CNTNAP4: variants seen among roughly 807,000 people sequenced by gnomAD.
The protein encoded by CNTNAP4 is contactin-associated protein-like 4.
In CNTNAP4, 98 loss-of-function variants were observed where a neutral mutation model predicts 148.4. The ratio of observed to expected loss-of-function variants is 0.66; its 90% CI spans 0.56 to 0.78. CNTNAP4 has a LOEUF of 0.78. CNTNAP4 is among the 30% of genes least tolerant of loss of function. The pLI is 0.00. For missense variants in CNTNAP4, 1,935 were observed against 1,565.6 expected (o/e 1.24, Z -3.98); for synonymous variants, 730 against 565.1 (o/e 1.29, Z -4.14).
At chr16:76,551,400 A>AT in intron 21 of CNTNAP4, among the ~76,000 whole-genome samples, 1 of 109,644 alleles carries the variant, frequency 9.1e-6, no homozygotes, top group African/African-American at 3.3e-5. Flanking sequence ...TCTGTTAAAA[A>AT]AAAAATATAT....
chr16:76,279,400 G>A (rs988239507), intron 1 of CNTNAP4, among the ~76,000 whole-genome samples: 1 of 152,206 alleles, frequency 6.6e-6, no homozygotes, highest in Non-Finnish European at 1.5e-5. Flanking sequence ...TCAATAAAAA[G>A]TGTAGGGTGT....
At chr16:76,470,496 T>TATATATATATATATATATAA in intron 10 of CNTNAP4, among the ~76,000 whole-genome samples, 1 of 57,128 alleles carries the variant, frequency 1.8e-5, no homozygotes, top group Non-Finnish European at 5.1e-5. Flanking sequence ...TATATATATA[T>TATATATATATATATATATAA]AAAATTAGTC....
In CNTNAP4 at chr16:76,541,756, C is replaced by T. The variant is rs1190972642; in HGVS notation, c.3442+966C>T. Among the ~76,000 whole-genome samples the T allele has an allele frequency of 2.0e-5, 3 of 152,128 alleles. No homozygotes were observed. The East Asian group carries it at 5.8e-4, about 29-fold the overall frequency. On this transcript the variant is annotated intron_variant, in intron 21 of 23. Coordinates refer to ENST00000611870, the MANE Select transcript of CNTNAP4 (RefSeq NM_033401.5). ...AGTTCAGCAAATAAATATTTACAGGCTTTCAAGTGCTATGATGAGCACCAA... is the reference window on the plus strand; with the variant it reads ...AGTTCAGCAAATAAATATTTACAGGTTTTCAAGTGCTATGATGAGCACCAA...
At position 76,448,810 on chromosome 16, in the gene CNTNAP4, C is replaced by T. The variant is rs533014561; in HGVS notation, c.786C>T (p.Thr262=). Residue 262 remains threonine (T), a synonymous_variant, in exon 6 of 24, where the codon ACC becomes ACT. Transcript: ENST00000611870. ...CCACTTCCACCCTGGTCAATCTCAC[C>T]CTGGGCAGCCTGCTAGATGATCAGC... ...LPSTSTLVNL[T]LGSLLDDQHW... is the part of the protein sequence containing the mutation. The T allele has an allele frequency of 3.7e-6, 6 of 1,611,516 alleles. No individual in the cohort carries two copies. The highest frequency in any genetic ancestry group is 5.1e-6 in the Non-Finnish European group (6 of 1,178,996).
At chr16:76,284,039 T>C (rs1212121039) in intron 1 of CNTNAP4, among the ~76,000 whole-genome samples, 1 of 152,082 alleles carries the variant, frequency 6.6e-6, no homozygotes, top group Non-Finnish European at 1.5e-5. Flanking sequence ...CATGCTCTAG[T>C]GTTTCAATTA....
At chr16:76,288,873 C>T (rs571891794) in intron 1 of CNTNAP4, among the ~76,000 whole-genome samples, 3 of 151,966 alleles carry the variant, frequency 2.0e-5, no homozygotes, top group Non-Finnish European at 2.9e-5. Flanking sequence ...GTGATTTAAA[C>T]GTCCTTTTTA....
Position 76,381,876 on chromosome 16 carries a change from C to T in CNTNAP4, c.390+26365C>T, listed in dbSNP as rs563310944. 8.3e-4 allele frequency among the ~76,000 whole-genome samples: 126 copies of T among 151,884 alleles called. No homozygotes were observed. The South Asian group carries it at 0.017, about 21-fold the overall frequency. ...GAGATCGAGACCATCCTGGCTAACA[C>T]GGTGAAACCCTGTCTCTACTAAAAA... On this transcript the variant is annotated intron_variant, in intron 3 of 23. Transcript: ENST00000611870.
chr16:76,438,777 T>C (rs887977010), intron 4 of CNTNAP4, among the ~76,000 whole-genome samples: 2 of 152,088 alleles, frequency 1.3e-5, no homozygotes, highest in African/African-American at 2.4e-5. Flanking sequence ...TGCTGACACA[T>C]AGGGTTACCT....
intron 15 of CNTNAP4, among the ~76,000 whole-genome samples, chr16:76,502,113 C>A (rs2082674091): frequency 6.6e-6 from 1 of 151,952 alleles, no homozygotes; most frequent in African/African-American, 2.4e-5. Context: ...TATTTAGAGA[C>A]CCACTAATTA....
At chr16:76,390,813 C>G (rs1292439441) in intron 3 of CNTNAP4, among the ~76,000 whole-genome samples, 3 of 151,866 alleles carry the variant, frequency 2.0e-5, no homozygotes, top group Non-Finnish European at 4.4e-5. Context: ...AGGACTTTAC[C>G]CTCCTCAAGT....
At chr16:76,360,764 C>G (rs576154869) in intron 3 of CNTNAP4, among the ~76,000 whole-genome samples, 48 of 151,106 alleles carry the variant, frequency 3.2e-4, no homozygotes, top group African/African-American at 1.1e-3. Context: ...TCCACATTCT[C>G]TAGCTTTTGA....
At chr16:76,555,520 A>G (rs1185467187) in intron 23 of CNTNAP4, among the ~76,000 whole-genome samples, 2 of 152,224 alleles carry the variant, frequency 1.3e-5, no homozygotes, top group Admixed American at 1.3e-4. Context: ...CAGTCTTATA[A>G]TATTGCTTTT....
At chr16:76,515,347 A>G (rs1323105973) in intron 15 of CNTNAP4, among the ~76,000 whole-genome samples, 2 of 152,206 alleles carry the variant, frequency 1.3e-5, no homozygotes, top group African/African-American at 4.8e-5. Context: ...AGGGCCTTTA[A>G]GGAGATCATT....
chr16:76,455,465 A>G (rs73619424), intron 8 of CNTNAP4, among the ~76,000 whole-genome samples: 2,558 of 152,308 alleles, frequency 0.017, 74 homozygotes, highest in African/African-American at 0.057. Flanking sequence ...TGCTGCACCC[A>G]GGAGAGCCAT....
At chr16:76,370,048 G>C (rs1054036147) in intron 3 of CNTNAP4, among the ~76,000 whole-genome samples, 1 of 152,098 alleles carries the variant, frequency 6.6e-6, no homozygotes, top group Non-Finnish European at 1.5e-5. Flanking sequence ...AGCTGTCTGG[G>C]TACACCTTTA....
Position 76,479,482 on chromosome 16 carries a change from T to C in CNTNAP4, c.1826T>C (p.Ile609Thr). ...GGAAATACTTCAGGGTTTTACTATA[T>C]AGATTCAGATGGAAGTGGTCCCCTG... is the stretch of plus-strand genomic sequence containing the variant. ...HRGNTSGFYY[I>T]DSDGSGPLEP... is the part of the protein sequence containing the mutation. The change falls in exon 12 of 24, where the codon ATA becomes ACA. Residue 609 changes from isoleucine (I) to threonine (T), a missense_variant. Ile to Thr is a moderately conservative substitution (Grantham distance 89). Transcript: ENST00000611870. 6.2e-7 allele frequency: 1 copy of C among 1,611,242 alleles called. No individual in the cohort carries two copies. Among genetic ancestry groups the C allele is most frequent in the Non-Finnish European group, 8.5e-7 (1 of 1,178,732 alleles).
rs1374597228 is a variant in CNTNAP4 at position 76,489,767 on chromosome 16, G to T, written c.1964G>T (p.Gly655Val). The change falls in exon 13 of 24, where the codon GGG becomes GTG. Residue 655 changes from glycine to valine, a missense_variant. Gly to Val is a moderately radical substitution (Grantham distance 109). Coordinates refer to ENST00000611870, the MANE Select transcript of CNTNAP4 (RefSeq NM_033401.5). ...ACTAATCCAGAGAACCCATATGCTGGGTTTTTCGAGTATGTGGCCAGCATG... is the reference window on the plus strand; with the variant it reads ...ACTAATCCAGAGAACCCATATGCTGTGTTTTTCGAGTATGTGGCCAGCATG... Reference protein sequence around the residue: ...RNTNPENPYAGFFEYVASMEQ... With the variant: ...RNTNPENPYAVFFEYVASMEQ... The T allele has an allele frequency of 1.2e-6, 2 of 1,604,768 alleles. No individual in the cohort carries two copies. Among genetic ancestry groups the T allele is most frequent in the East Asian group, 2.2e-5 (1 of 44,622 alleles).
intron 1 of CNTNAP4, among the ~76,000 whole-genome samples, chr16:76,312,669 C>G (rs1961259854): frequency 6.6e-6 from 1 of 152,120 alleles, no homozygotes; most frequent in South Asian, 2.1e-4. Flanking sequence ...TCCTACACTT[C>G]AAACCTAAAG....
intron 21 of CNTNAP4, among the ~76,000 whole-genome samples, chr16:76,545,694 A>C (rs2084689245): frequency 6.6e-6 from 1 of 152,214 alleles, no homozygotes; most frequent in Non-Finnish European, 1.5e-5. Context: ...AGAATTTCAA[A>C]AATAAAAAGG....
Sources: allele counts gnomAD v4.1 joint callset (sites outside exome capture counted in the v4.1 genomes callset), GRCh38; gene constraint gnomAD v4.1.1; transcripts MANE v1.5; gene names NCBI Gene and HGNC (gene_info 2026-07-23, HGNC 2026-07-21).